The following COMMD1 variants were observed in gnomAD, a reference collection of about 807,000 sequenced individuals.
COMMD1 encodes COMM domain-containing protein 1.
COMMD1 carries 10 observed loss-of-function variants against 17.2 expected under a neutral mutation model. The ratio of observed to expected loss-of-function variants is 0.58; its 90% CI spans 0.36 to 0.99. The LOEUF is 0.99. Among genes scored for constraint, COMMD1 ranks in the 50% least tolerant of loss-of-function variants. The probability of loss-of-function intolerance (pLI) is 0.01; values close to 1 mark genes in which losing one functional copy is unlikely to be tolerated. For synonymous variants in COMMD1, 97 were observed against 91.6 expected (o/e 1.06, Z -0.34); for missense variants, 270 against 231.8 (o/e 1.17, Z -1.07).
chr2:62,003,600 A>G (rs1669026426), intron 2 of COMMD1, among the ~76,000 whole-genome samples: 2 of 109,532 alleles, frequency 1.8e-5, no homozygotes, highest in Admixed American at 1.1e-4. Context: ...TGTGACAGAT[A>G]TTTTTACACA....
At chr2:62,087,906 T>C (rs1671713239) in intron 2 of COMMD1, among the ~76,000 whole-genome samples, 1 of 152,238 alleles carries the variant, frequency 6.6e-6, no homozygotes, top group East Asian at 1.9e-4. Flanking sequence ...ATGTAGTCTA[T>C]ACTCACTGTC....
chr2:61,892,265 T>C (rs1669450722), intron 1 of COMMD1, among the ~76,000 whole-genome samples: 1 of 152,020 alleles, frequency 6.6e-6, no homozygotes, highest in African/African-American at 2.4e-5. Flanking sequence ...TCCTTAATAA[T>C]TTATGAAATA....
intron 2 of COMMD1, among the ~76,000 whole-genome samples, chr2:62,070,597 A>G (rs1671173359): frequency 6.6e-6 from 1 of 151,838 alleles, no homozygotes; most frequent in African/African-American, 2.4e-5. Context: ...GAAACAAAGT[A>G]TTTGCAGGAT....
At chr2:62,124,854 T>G (rs754963921) in intron 2 of COMMD1, among the ~76,000 whole-genome samples, 1 of 152,190 alleles carries the variant, frequency 6.6e-6, no homozygotes, top group East Asian at 1.9e-4. Context: ...CCTTGGAAAG[T>G]TGATCACTTA....
chr2:61,987,159 T>A (rs1244414353), intron 1 of COMMD1, among the ~76,000 whole-genome samples: 1 of 152,246 alleles, frequency 6.6e-6, no homozygotes, highest in East Asian at 1.9e-4. Context: ...GGATCACATA[T>A]CTCTGCCTTT....
intron 2 of COMMD1, among the ~76,000 whole-genome samples, chr2:62,042,564 G>A (rs764452700): frequency 2.1e-4 from 32 of 152,278 alleles, no homozygotes; most frequent in African/African-American, 7.5e-4. Context: ...CCCGGAACCC[G>A]CGAGCGCCGA....
At chr2:62,117,160 A>G (rs1299685333) in intron 2 of COMMD1, among the ~76,000 whole-genome samples, 1 of 152,118 alleles carries the variant, frequency 6.6e-6, no homozygotes, top group African/African-American at 2.4e-5. Flanking sequence ...CATAAGAGGA[A>G]CTGAGTCTCT....
At chr2:62,016,622 A>G (rs71422332) in intron 2 of COMMD1, among the ~76,000 whole-genome samples, 19 of 151,966 alleles carry the variant, frequency 1.3e-4, no homozygotes, top group African/African-American at 4.6e-4. Flanking sequence ...GATATCAATC[A>G]CATATTAGAT....
intron 1 of COMMD1, among the ~76,000 whole-genome samples, chr2:61,958,544 G>C (rs1210580013): frequency 1.3e-5 from 2 of 152,098 alleles, no homozygotes; most frequent in Non-Finnish European, 2.9e-5. Flanking sequence ...TGGGATTACA[G>C]ATGTGAGGTA....
intron 2 of COMMD1, among the ~76,000 whole-genome samples, chr2:62,020,524 C>T (rs1348299732): frequency 6.6e-6 from 1 of 152,132 alleles, no homozygotes; most frequent in Non-Finnish European, 1.5e-5. Context: ...ATTTCTGTCT[C>T]TTTCAGTCGA....
Position 62,119,846 on chromosome 2 carries a change from T to A in COMMD1, c.463-15985T>A, listed in dbSNP as rs537815856. On this transcript the variant is annotated intron_variant, in intron 2 of 2. Coordinates refer to ENST00000311832, the MANE Select transcript of COMMD1 (RefSeq NM_152516.4). ...GCTGTGTTCCTGTTTTTGTATTAGA[T>A]GTATTATGATATTTCCCCATCTTAA... Among the ~76,000 whole-genome samples, 20 of 152,346 alleles carry A rather than the reference T, an allele frequency of 1.3e-4. No homozygotes were observed. The East Asian group carries it at 1.4e-3, about 10-fold the overall frequency.
chr2:62,114,142 A>G (rs1463731098), intron 2 of COMMD1, among the ~76,000 whole-genome samples: 1 of 152,234 alleles, frequency 6.6e-6, no homozygotes, highest in Non-Finnish European at 1.5e-5. Context: ...AAATGATAGA[A>G]TATTTGAGTA....
intron 1 of COMMD1, among the ~76,000 whole-genome samples, chr2:61,912,337 C>T (rs1354570909): frequency 6.6e-6 from 1 of 152,188 alleles, no homozygotes; most frequent in Non-Finnish European, 1.5e-5. Flanking sequence ...AAAACATATA[C>T]CACTTACCAT....
At chr2:62,010,478 A>G (rs1669247915) in intron 2 of COMMD1, among the ~76,000 whole-genome samples, 1 of 152,098 alleles carries the variant, frequency 6.6e-6, no homozygotes. Flanking sequence ...TGACTCCCAA[A>G]TGTATATCTC....
intron 1 of COMMD1, among the ~76,000 whole-genome samples, chr2:61,917,548 G>A (rs1205835911): frequency 6.7e-6 from 1 of 149,656 alleles, no homozygotes; most frequent in Non-Finnish European, 1.5e-5. Context: ...TTTTTTTTGA[G>A]ACGGAGTCTC....
At chr2:62,116,227 C>G (rs1672599714) in intron 2 of COMMD1, among the ~76,000 whole-genome samples, 2 of 152,092 alleles carry the variant, frequency 1.3e-5, no homozygotes, top group Admixed American at 6.6e-5. Context: ...GGCTAAAATT[C>G]TTCAGAAACC....
intron 1 of COMMD1, among the ~76,000 whole-genome samples, chr2:61,895,960 G>C (rs1669540827): frequency 6.6e-6 from 1 of 152,142 alleles, no homozygotes; most frequent in Non-Finnish European, 1.5e-5. Context: ...TGCCAACTGT[G>C]AACTCCACTG....
chr2:61,937,102 G>A (rs1189186745), intron 1 of COMMD1, among the ~76,000 whole-genome samples: 1 of 152,190 alleles, frequency 6.6e-6, no homozygotes, highest in East Asian at 1.9e-4. Flanking sequence ...TTAAGATAAG[G>A]GGTTGTAGAC....
intron 1 of COMMD1, chr2:61,915,579 T>C (rs1670026819): frequency 2.8e-6 from 1 of 354,026 alleles, no homozygotes; most frequent in Middle Eastern, 3.8e-4. Context: ...AGCCTTGACC[T>C]CTTGGGCTCC....
Sources: allele counts gnomAD v4.1 joint callset (sites outside exome capture counted in the v4.1 genomes callset), GRCh38; gene constraint gnomAD v4.1.1; transcripts MANE v1.5; gene names NCBI Gene and HGNC (gene_info 2026-07-23, HGNC 2026-07-21).